CALR3: variants seen among roughly 807,000 people sequenced by gnomAD.
CALR3 encodes the protein calreticulin-3.
In CALR3, 39 loss-of-function variants were observed where a neutral mutation model predicts 48.7. The ratio of observed to expected loss-of-function variants is 0.80; its 90% CI spans 0.62 to 1.05. The LOEUF (loss-of-function observed/expected upper bound fraction) is 1.05. CALR3 is among the 50% of genes least tolerant of loss of function. CALR3 has a pLI of 0.00. For missense variants in CALR3, 449 were observed against 474.7 expected (o/e 0.95, Z 0.50); for synonymous variants, 185 against 172.7 (o/e 1.07, Z -0.56).
chr19:16,489,362 T>C (rs964518599), intron 3 of CALR3, among the ~76,000 whole-genome samples: 6 of 152,168 alleles, frequency 3.9e-5, no homozygotes, highest in South Asian at 2.1e-4. Context: ...CTCACGCCTG[T>C]AATCCCAGCA....
intron 5 of CALR3, 130 bp from the exon 6 acceptor site, chr19:16,482,915 G>A: frequency 1.2e-6 from 1 of 819,210 alleles, no homozygotes; most frequent in South Asian, 1.5e-5. Flanking sequence ...TGCAATCATG[G>A]CTCACTGCAG....
At position 16,480,603 on chromosome 19, in the gene CALR3, G is replaced by A. The variant is rs760029019; in HGVS notation, c.1011+11C>T. ...TAGTGATGTAGGAAGAGTTAATCAC[G>A]TGCTTCATACCTTGGTTTCGCCCCA... On this transcript the variant is annotated intron_variant, in intron 8 of 8. Coordinates refer to ENST00000269881, the MANE Select transcript of CALR3 (RefSeq NM_145046.5). 43 of 1,569,096 alleles carry A rather than the reference G, an allele frequency of 2.7e-5. No individual in the cohort carries two copies. The highest frequency in any genetic ancestry group is 9.0e-5 in the East Asian group (4 of 44,668).
chr19:16,481,049 GA>G (rs2093379926), intron 7 of CALR3, among the ~76,000 whole-genome samples: 1 of 152,072 alleles, frequency 6.6e-6, no homozygotes, highest in Admixed American at 6.6e-5. Context: ...AGCTACTTGG[GA>G]GGCTGAGGTG....
At chr19:16,487,307 C>T (rs911284755) in intron 3 of CALR3, among the ~76,000 whole-genome samples, 3 of 151,810 alleles carry the variant, frequency 2.0e-5, no homozygotes, top group Admixed American at 6.6e-5. Context: ...GGTGAAACCC[C>T]GTCTCTACAA....
intron 7 of CALR3, among the ~76,000 whole-genome samples, chr19:16,482,067 C>A (rs1307248177): frequency 6.6e-6 from 1 of 151,666 alleles, no homozygotes; most frequent in East Asian, 1.9e-4. Context: ...CCACCACGCC[C>A]GGCTAATTTT....
intron 7 of CALR3, 41 bp from the exon 8 acceptor site, chr19:16,480,747 C>A (rs2093379518): frequency 7.7e-7 from 1 of 1,306,024 alleles, no homozygotes; most frequent in Non-Finnish European, 1.1e-6. Flanking sequence ...TGCTTTTATT[C>A]TTTATTATTT....
chr19:16,488,354 G>A (rs1312534843), intron 3 of CALR3, among the ~76,000 whole-genome samples: 4 of 152,210 alleles, frequency 2.6e-5, no homozygotes, highest in African/African-American at 9.6e-5. Context: ...AAAGTGCTGG[G>A]ATTACAGGCA....
At chr19:16,495,649 G>T in intron 2 of CALR3, 102 bp downstream of exon 2, 2 of 839,836 alleles carry the variant, frequency 2.4e-6, no homozygotes, top group African/African-American at 1.7e-5. Context: ...GTCTTCATCT[G>T]TAAAACGGGA....
At position 16,488,215 on chromosome 19, in the gene CALR3, C is replaced by T. The variant is rs57534480; in HGVS notation, c.397+2152G>A. Among the ~76,000 whole-genome samples the T allele has an allele frequency of 1.5e-3, 222 of 152,262 alleles. 1 individual carries two copies. The East Asian group carries it at 0.034, about 23-fold the overall frequency. ...GCGCCCGCCTCTGGCTCCCAGAGTGCTGGGATAACAGGCGTGAGCCACCGC... is the reference window on the plus strand; with the variant it reads ...GCGCCCGCCTCTGGCTCCCAGAGTGTTGGGATAACAGGCGTGAGCCACCGC... On this transcript the variant is annotated intron_variant, in intron 3 of 8. Transcript: ENST00000269881.
intron 7 of CALR3, among the ~76,000 whole-genome samples, chr19:16,482,027 G>A (rs545376530): frequency 4.0e-4 from 60 of 149,690 alleles, no homozygotes; most frequent in African/African-American, 1.4e-3. Context: ...CTGCCTCAGC[G>A]TCCCGAGTAG....
chr19:16,491,974 G>A (rs1467315027), intron 2 of CALR3, among the ~76,000 whole-genome samples: 2 of 151,648 alleles, frequency 1.3e-5, no homozygotes, highest in Non-Finnish European at 2.9e-5. Flanking sequence ...GACTACAGGC[G>A]TGCGACACCA....
chr19:16,490,676 C>T, intron 2 of CALR3, 106 bp from the exon 3 acceptor site: 10 of 994,232 alleles, frequency 1.0e-5, no homozygotes, highest in Non-Finnish European at 1.6e-5. Flanking sequence ...AATGTCCTAA[C>T]CATTTACAGT....
At chr19:16,484,191 T>TC in intron 4 of CALR3, 76 bp from the exon 5 acceptor site, 10 of 1,411,664 alleles carry the variant, frequency 7.1e-6, no homozygotes, top group South Asian at 1.3e-5. Context: ...TTTTTTTTTT[T>TC]TTTTGAGATG....
rs753917463 is a variant in CALR3 at position 16,482,731 on chromosome 19, C to T, written c.733G>A (p.Gly245Ser). 1.2e-5 allele frequency: 20 copies of T among 1,613,924 alleles called. No homozygotes were observed. The highest frequency in any genetic ancestry group is 3.3e-5 in the South Asian group (3 of 91,076). Reference sequence around the variant, plus strand: ...GCTGGCCAGTCCCCATCCAGGTCACCGTTCCAGTCGCTCTGCTTGCTGGTG... The same window carrying T: ...GCTGGCCAGTCCCCATCCAGGTCACTGTTCCAGTCGCTCTGCTTGCTGGTG... ...ASTSKQSDWN[G>S]DLDGDWPAPM... Residue 245 changes from glycine (G) to serine (S), a missense_variant, in exon 6 of 9, where the codon GGT (glycine) becomes AGT (serine). Physicochemically the swap from Gly to Ser is moderately conservative, Grantham distance 56 (BLOSUM62 0). Transcript: ENST00000269881.
rs1365103502 is a variant in CALR3 at position 16,479,185 on chromosome 19, T to C, written c.1101A>G (p.Lys367=). The change falls in exon 9 of 9, where the codon AAA becomes AAG. Residue 367 remains lysine, a synonymous_variant. Transcript: ENST00000269881. The part of the protein sequence containing the change: ...EEEEEELLSG[K]INRHEHYFNQ... Reference sequence around the variant, plus strand: ...TGAAGTAATGTTCGTGCCTGTTAATTTTTCCCGACAGCAGCTCTTCCTCCT... The same window carrying C: ...TGAAGTAATGTTCGTGCCTGTTAATCTTTCCCGACAGCAGCTCTTCCTCCT... The C allele has an allele frequency of 6.2e-7, 1 of 1,613,964 alleles. No homozygotes were observed. The highest frequency in any genetic ancestry group is 1.3e-5 in the African/African-American group (1 of 74,860).
Position 16,487,309 on chromosome 19 carries a change from T to A in CALR3, c.398-2052A>T, listed in dbSNP as rs150071372. On this transcript the variant is annotated intron_variant, in intron 3 of 8. Coordinates refer to ENST00000269881, the MANE Select transcript of CALR3 (RefSeq NM_145046.5). ...GCCTGTCCAACATGGTGAAACCCCG[T>A]CTCTACAAAAATACAAAAAAATTAG... Among the ~76,000 whole-genome samples the A allele has an allele frequency of 6.4e-3, 968 of 151,958 alleles. 7 individuals are homozygous for A. The highest frequency in any genetic ancestry group is 0.022 in the African/African-American group (907 of 41,458).
In CALR3 at chr19:16,479,157, G is replaced by C. The variant is rs372514243; in HGVS notation, c.1129C>G (p.Gln377Glu). 38 of 1,613,950 alleles carry C rather than the reference G, an allele frequency of 2.4e-5. No individual in the cohort carries two copies. The highest frequency in any genetic ancestry group is 2.9e-5 in the Non-Finnish European group (34 of 1,179,994). ...TAAAGTTCATTCCTTCTGTGAAATT[G>C]ATTGAAGTAATGTTCGTGCCTGTTA... ...KINRHEHYFNQFHRRNEL is the reference protein window; with the variant it reads ...KINRHEHYFNEFHRRNEL The change falls in exon 9 of 9, where the codon CAA (glutamine) becomes GAA (glutamate). Residue 377 changes from glutamine to glutamate, a missense_variant. By Grantham distance (29) the Gln-to-Glu change is conservative. Coordinates refer to ENST00000269881, the MANE Select transcript of CALR3 (RefSeq NM_145046.5).
intron 7 of CALR3, among the ~76,000 whole-genome samples, chr19:16,481,549 G>A (rs1001179146): frequency 3.4e-5 from 5 of 148,284 alleles, no homozygotes; most frequent in African/African-American, 1.2e-4. Flanking sequence ...CGCGATCTTG[G>A]CTCACTGCAA....
chr19:16,488,878 T>C (rs2093393313), intron 3 of CALR3, among the ~76,000 whole-genome samples: 1 of 152,250 alleles, frequency 6.6e-6, no homozygotes, highest in Admixed American at 6.6e-5. Flanking sequence ...AAAGGCCAGA[T>C]GGTAAAATAT....
Sources: allele counts gnomAD v4.1 joint callset (sites outside exome capture counted in the v4.1 genomes callset), GRCh38; gene constraint gnomAD v4.1.1; transcripts MANE v1.5; gene names NCBI Gene and HGNC (gene_info 2026-07-23, HGNC 2026-07-21).